Variants in NCKAP5 observed in about 807,000 individuals in gnomAD.
The protein encoded by NCKAP5 is NCK associated protein 5, also known as nck-associated protein 5.
In NCKAP5, 92 loss-of-function variants were observed where a neutral mutation model predicts 167.0. The observed-to-expected ratio is 0.55, with a 90% CI of 0.47 to 0.66. NCKAP5 has a LOEUF of 0.66. Among genes scored for constraint, NCKAP5 ranks in the 30% least tolerant of loss-of-function variants. NCKAP5 has a pLI of 0.00. For synonymous variants in NCKAP5, 891 were observed against 877.4 expected (o/e 1.02, Z -0.27); for missense variants, 2,378 against 2,315.0 (o/e 1.03, Z -0.56).
At chr2:133,588,645 T>C in the NCKAP5 span, among the ~76,000 whole-genome samples, 1 of 152,072 alleles carries the variant, frequency 6.6e-6, no homozygotes, top group Non-Finnish European at 1.5e-5. Flanking sequence ...AGCACACATT[T>C]TAGAAGGACA....
At chr2:133,121,709 C>T (rs2082256713) in intron 6 of NCKAP5, among the ~76,000 whole-genome samples, 1 of 152,100 alleles carries the variant, frequency 6.6e-6, no homozygotes, top group South Asian at 2.1e-4. Flanking sequence ...TAAACAAATG[C>T]TTACTATATG....
intron 19 of NCKAP5, among the ~76,000 whole-genome samples, chr2:132,689,548 C>T (rs113287558): frequency 7.2e-4 from 109 of 152,294 alleles, no homozygotes; most frequent in Admixed American, 2.6e-3. Context: ...GCCTCTGCTA[C>T]TCAGAGTTCA....
chr2:132,935,479 G>A (rs2149077071), intron 8 of NCKAP5, among the ~76,000 whole-genome samples: 1 of 152,292 alleles, frequency 6.6e-6, no homozygotes, highest in East Asian at 1.9e-4. Flanking sequence ...GATTTAGACA[G>A]GTGAATGGTA....
intron 19 of NCKAP5, among the ~76,000 whole-genome samples, chr2:132,675,009 G>T (rs73955785): frequency 0.011 from 1,746 of 152,308 alleles, 38 homozygotes; most frequent in African/African-American, 0.04. Context: ...TTACCAAATG[G>T]ATGTAAATAA....
chr2:133,654,410 A>AAATAAATAAATC, the NCKAP5 span, among the ~76,000 whole-genome samples: 36 of 150,236 alleles, frequency 2.4e-4, no homozygotes, highest in African/African-American at 8.8e-4. Context: ...ATAAATAAAT[A>AAATAAATAAATC]AATCCCTCAA....
At chr2:133,452,655 A>T (rs1691619933) in intron 3 of NCKAP5, among the ~76,000 whole-genome samples, 1 of 152,188 alleles carries the variant, frequency 6.6e-6, no homozygotes, top group Admixed American at 6.5e-5. Context: ...CATGACAGAA[A>T]GGCTCTCAGA....
At chr2:132,689,339 C>T (rs1686421196) in intron 19 of NCKAP5, among the ~76,000 whole-genome samples, 1 of 152,220 alleles carries the variant, frequency 6.6e-6, no homozygotes, top group South Asian at 2.1e-4. Context: ...TTGGGCTGAA[C>T]TGACACAAGA....
chr2:133,650,276 T>C, the NCKAP5 span, among the ~76,000 whole-genome samples: 2 of 152,162 alleles, frequency 1.3e-5, no homozygotes, highest in African/African-American at 2.4e-5. Flanking sequence ...ATTGTTTAAA[T>C]GTTTATGGTA....
chr2:133,635,396 G>C, the NCKAP5 span, among the ~76,000 whole-genome samples: 1 of 152,104 alleles, frequency 6.6e-6, no homozygotes, highest in Non-Finnish European at 1.5e-5. Context: ...TAAACTAGTT[G>C]CTGAGTATCT....
chr2:133,543,262 C>T (rs1227777803), intron 2 of NCKAP5, among the ~76,000 whole-genome samples: 1 of 152,134 alleles, frequency 6.6e-6, no homozygotes, highest in East Asian at 1.9e-4. Flanking sequence ...CCCCCTTTGT[C>T]TTCCACCATG....
At chr2:133,475,021 G>A (rs1267114679) in intron 3 of NCKAP5, among the ~76,000 whole-genome samples, 4 of 152,134 alleles carry the variant, frequency 2.6e-5, no homozygotes, top group Admixed American at 2.6e-4. Context: ...ATGCGGACCA[G>A]GCTGGTCTCA....
At position 132,785,075 on chromosome 2, in the gene NCKAP5, A is replaced by T; in HGVS notation, c.1736T>A (p.Leu579His). ...CGTTTCATTGTCATCAGTGTCTGAA[A>T]GCTGGAGGTTGAGAGCCATGCGGCC... is the stretch of plus-strand genomic sequence containing the variant. Reference protein sequence around the residue: ...GHGRMALNLQLSDTDDNETFD... With the variant: ...GHGRMALNLQHSDTDDNETFD... The change falls in exon 14 of 20, where the codon CTT (leucine) becomes CAT (histidine). Residue 579 changes from leucine to histidine, a missense_variant. Leu to His is a moderately conservative substitution (Grantham distance 99). This residue lies in a region of NCKAP5 where 1,049 missense variants were observed against 1,023.4 expected (regional missense o/e 1.02). Coordinates refer to ENST00000409261, the MANE Select transcript of NCKAP5 (RefSeq NM_207363.3). The T allele has an allele frequency of 6.2e-7, 1 of 1,614,046 alleles. No individual in the cohort carries two copies. Among genetic ancestry groups the T allele is most frequent in the South Asian group, 1.1e-5 (1 of 91,078 alleles).
intron 11 of NCKAP5, among the ~76,000 whole-genome samples, chr2:132,853,050 G>T (rs1689193927): frequency 6.6e-6 from 1 of 152,122 alleles, no homozygotes; most frequent in Admixed American, 6.5e-5. Context: ...ATATATTCTG[G>T]CTGTCCCATG....
chr2:133,192,858 C>T (rs1017027447), intron 5 of NCKAP5, among the ~76,000 whole-genome samples: 3 of 152,016 alleles, frequency 2.0e-5, no homozygotes, highest in Non-Finnish European at 4.4e-5. Context: ...TCTTAAATAA[C>T]TAACCATGCA....
intron 19 of NCKAP5, among the ~76,000 whole-genome samples, chr2:132,710,505 A>G (rs545491038): frequency 2.6e-5 from 4 of 152,248 alleles, no homozygotes; most frequent in African/African-American, 9.6e-5. Flanking sequence ...AAGGTAGAAC[A>G]CTCTTCCCAC....
chr2:132,863,448 TAA>T (rs58404202), intron 10 of NCKAP5, among the ~76,000 whole-genome samples: 38,057 of 127,522 alleles, frequency 0.3, 5,362 homozygotes, highest in East Asian at 0.45. Flanking sequence ...TTCAGATGGG[TAA>T]AAAAAAAAAA....
At chr2:133,413,533 G>A (rs920338868) in intron 3 of NCKAP5, among the ~76,000 whole-genome samples, 20 of 151,452 alleles carry the variant, frequency 1.3e-4, no homozygotes, top group African/African-American at 4.9e-4. Context: ...AGGAGGGAAG[G>A]GTGCCTGGCA....
At chr2:133,277,844 G>A (rs1394436499) in intron 4 of NCKAP5, among the ~76,000 whole-genome samples, 2 of 152,084 alleles carry the variant, frequency 1.3e-5, no homozygotes, top group Non-Finnish European at 2.9e-5. Context: ...AATTATCTAT[G>A]GACATTCAAC....
chr2:133,140,566 T>G (rs2082959025), intron 5 of NCKAP5, among the ~76,000 whole-genome samples: 1 of 152,128 alleles, frequency 6.6e-6, no homozygotes, highest in Non-Finnish European at 1.5e-5. Flanking sequence ...ACTATGAAGG[T>G]TAACACCTGT....
Sources: gnomAD v4.1 joint callset for allele counts (sites outside exome capture counted in the v4.1 genomes callset) on GRCh38, gnomAD v4.1.1 for gene constraint, gnomAD v4.1.1 regional missense constraint, MANE v1.5 for transcripts, NCBI Gene and HGNC (gene_info 2026-07-23, HGNC 2026-07-21) for gene names.